The following ACADVL variants were observed in gnomAD, a reference collection of about 807,000 sequenced individuals.
ACADVL encodes very long-chain acyl-CoA dehydrogenase, mitochondrial.
A neutral mutation model predicts 80.4 loss-of-function variants in ACADVL; 73 were observed. That is an observed-to-expected ratio of 0.91 (90% confidence interval 0.75 to 1.10). The LOEUF is 1.10. ACADVL is among the 50% of genes least tolerant of loss of function. The pLI is 0.00. For missense variants in ACADVL, 878 were observed against 858.9 expected, an observed-to-expected ratio of 1.02 and a Z score of -0.28; for synonymous variants, 392 against 326.5, an observed-to-expected ratio of 1.20 and a Z score of -2.16.
At chr17:7,221,386 TC>T in intron 6 of ACADVL, 151 bp from the exon 7 acceptor site, 1 of 1,376,372 alleles carries the variant, frequency 7.3e-7, no homozygotes, top group Non-Finnish European at 1.0e-6. Context: ...ACACCCCACT[TC>T]TTTTCTACAC....
intron 2 of ACADVL, 30 bp downstream of exon 2, chr17:7,220,227 G>A (rs1028318860): frequency 6.6e-7 from 1 of 1,524,238 alleles, no homozygotes; most frequent in Non-Finnish European, 8.8e-7. Context: ...GCAAGGGGGT[G>A]TGGGAGCGGC....
chr17:7,218,821 T>C (rs775264632), upstream of ACADVL: 30 of 1,613,694 alleles, frequency 1.9e-5, no homozygotes, highest in Middle Eastern at 1.6e-4. Flanking sequence ...CAAGGAGCCC[T>C]GTTTTTCACC....
At position 7,224,142 on chromosome 17, in the gene ACADVL, A is replaced by T. The variant is rs1412310624; in HGVS notation, c.1435-4A>T. The stretch of plus-strand genomic sequence containing the variant: ...CCTGACTGCTGGACCCTCTTCCCCC[A>T]TAGGACAAAGGAAAGGAGCTCTCTG... On this transcript the variant is annotated splice_polypyrimidine_tract_variant and splice_region_variant and intron_variant, in intron 14 of 19. Transcript: ENST00000356839. 6.2e-7 allele frequency: 1 copy of T among 1,614,104 alleles called. No individual in the cohort carries two copies. Among genetic ancestry groups the T allele is most frequent in the Admixed American group, 1.7e-5 (1 of 60,014 alleles).
At chr17:7,223,328 G>T in intron 11 of ACADVL, 91 bp downstream of exon 11, 5 of 1,226,364 alleles carry the variant, frequency 4.1e-6, no homozygotes, top group Non-Finnish European at 6.0e-6. Context: ...CTGGGGCAGT[G>T]GGTCTCCAGC....
chr17:7,222,867 T>C lies in ACADVL; in HGVS notation c.1077+2T>C, dbSNP rs1057516370. The C allele has an allele frequency of 1.2e-6, 2 of 1,610,838 alleles. No homozygotes were observed. Among genetic ancestry groups the C allele is most frequent in the Non-Finnish European group, 1.7e-6 (2 of 1,179,948 alleles). On this transcript the variant is annotated splice_donor_variant, in intron 10 of 19. Coordinates refer to ENST00000356839, the MANE Select transcript of ACADVL (RefSeq NM_000018.4). LOFTEE classifies it high-confidence loss of function. ...ATGAGAGGCATCATTGCTAAGGCGG[T>C]GAGTACCCTGCCCGAGTCCCTAGGT...
chr17:7,223,015 C>A, intron 10 of ACADVL, 118 bp from the exon 11 acceptor site: 2 of 1,434,820 alleles, frequency 1.4e-6, no homozygotes, highest in Non-Finnish European at 9.8e-7. Context: ...CTCCATCCAG[C>A]GTAGACTGAA....
In ACADVL at chr17:7,222,668, GGGCCCCC is replaced by G; in HGVS notation, c.881_887del (p.Gly294ValfsTer57). ...CTTTCCCACACTGCCCTGACACAGTGGGCCCCCTGAGAAGAAGATGGGCATCAAGGCT... is the reference window on the plus strand; with the variant it reads ...CTTTCCCACACTGCCCTGACACAGTGTGAGAAGAAGATGGGCATCAAGGCT... On this transcript the variant is annotated frameshift_variant and splice_region_variant, in exon 10 of 20. Coordinates refer to ENST00000356839, the MANE Select transcript of ACADVL (RefSeq NM_000018.4). LOFTEE classifies it high-confidence loss of function. The G allele has an allele frequency of 1.9e-6, 3 of 1,613,272 alleles. No homozygotes were observed. Among genetic ancestry groups the G allele is most frequent in the Non-Finnish European group, 2.5e-6 (3 of 1,179,626 alleles).
intron 8 of ACADVL, 38 bp downstream of exon 8, chr17:7,222,119 A>G (rs1223639478): frequency 1.2e-6 from 2 of 1,613,976 alleles, no homozygotes; most frequent in Non-Finnish European, 1.7e-6. Flanking sequence ...TCCTCCGCCC[A>G]ATTCCAGGCC....
Position 7,224,129 on chromosome 17 carries a change from ACCCTCTTC to A in ACADVL, c.1435-13_1435-6del. ...GAGGACAGTGAGTCCTGACTGCTGG[ACCCTCTTC>A]CCCCATAGGACAAAGGAAAGGAGCT... On this transcript the variant is annotated splice_polypyrimidine_tract_variant and intron_variant, in intron 14 of 19. Coordinates refer to ENST00000356839, the MANE Select transcript of ACADVL (RefSeq NM_000018.4). The A allele has an allele frequency of 1.2e-6, 2 of 1,613,678 alleles. No individual in the cohort carries two copies. Among genetic ancestry groups the A allele is most frequent in the Non-Finnish European group, 1.7e-6 (2 of 1,179,856 alleles).
In ACADVL at chr17:7,223,447, A is replaced by T. The variant is rs1416086159; in HGVS notation, c.1183-197A>T. On this transcript the variant is annotated intron_variant, in intron 11 of 19. Transcript: ENST00000356839. Reference sequence around the variant, plus strand: ...GTGCCTGCCAGCAGTACCAGAAGTTAATTCTACCTCATCCCTTACATCCAC... The same window carrying T: ...GTGCCTGCCAGCAGTACCAGAAGTTTATTCTACCTCATCCCTTACATCCAC... 9 of 806,172 alleles carry T rather than the reference A, an allele frequency of 1.1e-5. No individual in the cohort carries two copies. In the East Asian group the frequency reaches 1.7e-4, roughly 15 times the overall value. The allele number at this position is 806,172 out of a possible 1,614,324, so 49.9% of individuals were successfully genotyped here. A position where few individuals can be genotyped will look rare whatever the true frequency, so the allele number is the denominator to read the frequency against.
upstream of ACADVL, chr17:7,219,161 C>T: frequency 2.3e-6 from 1 of 438,078 alleles, no homozygotes; most frequent in Non-Finnish European, 4.0e-6. Context: ...CCTCTCACCC[C>T]AATGAGAATT....
At chr17:7,221,311 CTAGTAG>C in intron 6 of ACADVL, 1 of 913,516 alleles carries the variant, frequency 1.1e-6, no homozygotes, top group South Asian at 1.6e-5. Context: ...AATAGACTGA[CTAGTAG>C]CAAGTCACCC....
At chr17:7,218,188 C>T, upstream of ACADVL, 1 of 1,531,620 alleles carries the variant, frequency 6.5e-7, no homozygotes. Flanking sequence ...TGGCTCACCC[C>T]TCCAGCCCTG....
upstream of ACADVL, chr17:7,219,043 G>A: frequency 3.1e-6 from 2 of 640,972 alleles, no homozygotes; most frequent in Non-Finnish European, 5.5e-6. Context: ...CCATAGGCAG[G>A]CAGAACCTAG....
upstream of ACADVL, chr17:7,219,040 C>G: frequency 1.5e-6 from 1 of 645,290 alleles, no homozygotes; most frequent in South Asian, 1.9e-5. Flanking sequence ...TTCCCATAGG[C>G]AGGCAGAACC....
In ACADVL at chr17:7,222,660, G is replaced by A; in HGVS notation, c.879-7G>A. The A allele has an allele frequency of 6.2e-7, 1 of 1,612,444 alleles. No individual in the cohort carries two copies. Among genetic ancestry groups the A allele is most frequent in the Non-Finnish European group, 8.5e-7 (1 of 1,179,246 alleles). ...CACCTCTGCTTTCCCACACTGCCCT[G>A]ACACAGTGGGCCCCCTGAGAAGAAG... On this transcript the variant is annotated splice_polypyrimidine_tract_variant and splice_region_variant and intron_variant, in intron 9 of 19. Coordinates refer to ENST00000356839, the MANE Select transcript of ACADVL (RefSeq NM_000018.4).
upstream of ACADVL, chr17:7,219,131 C>T: frequency 1.3e-5 from 7 of 521,282 alleles, no homozygotes; most frequent in Non-Finnish European, 2.4e-5. Flanking sequence ...CTGAGCCCAG[C>T]TCTCTCTCCT....
upstream of ACADVL, chr17:7,219,921 T>C (rs77051465): frequency 8.4e-3 from 13,042 of 1,555,394 alleles, 86 homozygotes; most frequent in South Asian, 0.02. Context: ...CGCCAGGACG[T>C]GGGCGTGCAG....
At chr17:7,221,183 G>A (rs1473018487) in intron 6 of ACADVL, 125 bp downstream of exon 6, 5 of 1,495,784 alleles carry the variant, frequency 3.3e-6, no homozygotes, top group South Asian at 2.3e-5. Flanking sequence ...GGTGCCTGTG[G>A]GATGGATGTT....
Sources: allele counts gnomAD v4.1 joint callset, GRCh38; gene constraint gnomAD v4.1.1; transcripts MANE v1.5; gene names NCBI Gene and HGNC (gene_info 2026-07-23, HGNC 2026-07-21).